Variants in DPP4 observed in about 807,000 individuals in gnomAD.
The protein encoded by DPP4 is dipeptidyl peptidase 4.
Under a neutral mutation model 122.4 loss-of-function variants are expected in DPP4, and 93 were observed. That is an observed-to-expected ratio of 0.76 (90% confidence interval 0.64 to 0.90). The LOEUF (loss-of-function observed/expected upper bound fraction) is 0.90. Ranked by LOEUF, DPP4 falls within the 40% of genes least tolerant of loss-of-function variation. The pLI is 0.00. For synonymous variants in DPP4, 321 were observed against 302.9 expected (o/e 1.06, Z -0.62); for missense variants, 914 against 907.3 (o/e 1.01, Z -0.09).
chr2:162,030,442 G>A (rs1445866361), intron 10 of DPP4, among the ~76,000 whole-genome samples: 2 of 152,180 alleles, frequency 1.3e-5, no homozygotes, highest in Non-Finnish European at 2.9e-5. Context: ...CTGTGGTGAA[G>A]GGATATGGCC....
intron 8 of DPP4, among the ~76,000 whole-genome samples, chr2:162,036,511 G>C (rs1002702134): frequency 2.0e-5 from 3 of 152,082 alleles, no homozygotes; most frequent in Non-Finnish European, 4.4e-5. Context: ...ATTTGTCTAG[G>C]ATCACATGGC....
chr2:162,046,263 G>A (rs1008464334), intron 4 of DPP4, among the ~76,000 whole-genome samples: 13 of 152,132 alleles, frequency 8.5e-5, no homozygotes, highest in African/African-American at 3.1e-4. Flanking sequence ...GAGGGTTTAA[G>A]CGAGGACTGT....
At chr2:162,061,510 A>C (rs1336906253) in intron 2 of DPP4, among the ~76,000 whole-genome samples, 1 of 152,210 alleles carries the variant, frequency 6.6e-6, no homozygotes, top group African/African-American at 2.4e-5. Flanking sequence ...TTAAGTACTT[A>C]CTTTAACAGT....
chr2:162,054,186 T>C (rs550491595), intron 2 of DPP4, among the ~76,000 whole-genome samples: 1 of 152,230 alleles, frequency 6.6e-6, no homozygotes, highest in Non-Finnish European at 1.5e-5. Context: ...ATTAACCGTT[T>C]CTTGCTATTT....
At chr2:162,003,628 C>T (rs757017988) in intron 23 of DPP4, among the ~76,000 whole-genome samples, 10 of 152,220 alleles carry the variant, frequency 6.6e-5, no homozygotes, top group African/African-American at 1.2e-4. Flanking sequence ...TCTAATGTTT[C>T]GGGAACTTTC....
At chr2:162,024,131 T>A (rs751112726) in intron 11 of DPP4, among the ~76,000 whole-genome samples, 4 of 152,172 alleles carry the variant, frequency 2.6e-5, no homozygotes, top group Non-Finnish European at 5.9e-5. Flanking sequence ...TAAGGGGGAT[T>A]GGGGAGGTAT....
chr2:161,992,889 T>A lies in DPP4; in HGVS notation c.*394A>T. On this transcript the variant is annotated 3_prime_UTR_variant, in exon 26 of 26. Transcript: ENST00000360534. ...CCCTCTTATCCTGTCCCTGCCCTAG[T>A]GACATCACTGCCCACATCTTGCCAT... is the stretch of plus-strand genomic sequence containing the variant. The A allele has an allele frequency of 5.0e-6, 1 of 200,270 alleles. No individual in the cohort carries two copies. 12.4% of individuals were successfully genotyped at this position (200,270 alleles called of 1,614,324 possible).
intron 23 of DPP4, among the ~76,000 whole-genome samples, chr2:161,997,262 T>C (rs1701029851): frequency 6.6e-6 from 1 of 152,164 alleles, no homozygotes; most frequent in Non-Finnish European, 1.5e-5. Flanking sequence ...TTGAGAAACT[T>C]TTTTTGTCTG....
At chr2:162,065,717 G>A (rs1303777574) in intron 2 of DPP4, among the ~76,000 whole-genome samples, 3 of 152,118 alleles carry the variant, frequency 2.0e-5, no homozygotes. Context: ...AATTATTAAT[G>A]CTTTATGCTT....
At chr2:162,069,945 A>C (rs1212827836) in intron 2 of DPP4, among the ~76,000 whole-genome samples, 1 of 152,248 alleles carries the variant, frequency 6.6e-6, no homozygotes, top group East Asian at 1.9e-4. Context: ...TTCCATAATA[A>C]AATTCAATAA....
chr2:161,995,632 T>A (rs958951449), intron 23 of DPP4, among the ~76,000 whole-genome samples: 15 of 152,180 alleles, frequency 9.9e-5, no homozygotes, highest in Non-Finnish European at 2.1e-4. Flanking sequence ...CCAGCCTGCA[T>A]GCAAAACCCC....
intron 25 of DPP4, among the ~76,000 whole-genome samples, chr2:161,994,585 A>G (rs1025763403): frequency 3.9e-5 from 6 of 152,308 alleles, no homozygotes; most frequent in African/African-American, 1.4e-4. Context: ...CCAGACAGAA[A>G]TGGATTTTCA....
At position 162,073,196 on chromosome 2, in the gene DPP4, G is replaced by T. The variant is rs144056851; in HGVS notation, c.94+203C>A. On this transcript the variant is annotated intron_variant, in intron 2 of 25. Transcript: ENST00000360534. The stretch of plus-strand genomic sequence containing the variant: ...ATAACAAGACGTGAAAGCCGCAAGA[G>T]TTTCAGCCTAAACACTGAAGACCCC... 2.5e-3 allele frequency: 1,261 copies of T among 494,938 alleles called. 3 individuals are homozygous for T. The highest frequency in any genetic ancestry group is 0.012 in the Middle Eastern group (23 of 1,870). 30.7% of individuals were successfully genotyped at this position (494,938 alleles called of 1,614,324 possible).
rs1684202937 is a variant in DPP4 at position 162,046,966 on chromosome 2, T to C, written c.234A>G (p.Val78=). 6.3e-7 allele frequency: 1 copy of C among 1,598,664 alleles called. No homozygotes were observed. The stretch of plus-strand genomic sequence containing the variant: ...AGCTGTTTCCATATTCAGCATTGAA[T>C]ACCAAGATATTATTTTCTTGTTTGT... ...YLYKQENNIL[V]FNAEYGNSSV... Residue 78 remains valine (V), a synonymous_variant, in exon 4 of 26, where the codon GTA becomes GTG. Transcript: ENST00000360534.
At chr2:162,019,772 C>T (rs1010680247) in intron 14 of DPP4, among the ~76,000 whole-genome samples, 6 of 152,126 alleles carry the variant, frequency 3.9e-5, no homozygotes, top group Admixed American at 3.3e-4. Flanking sequence ...ATAAAAGTGC[C>T]TCAGATTCTA....
intron 4 of DPP4, among the ~76,000 whole-genome samples, chr2:162,046,152 C>A (rs1489203019): frequency 6.6e-6 from 1 of 152,064 alleles, no homozygotes. Flanking sequence ...GAGGGAAGAG[C>A]GGAGGGCTGA....
chr2:162,021,622 T>C (rs1042409596), intron 12 of DPP4: 1 of 152,220 alleles, frequency 6.6e-6, no homozygotes, highest in African/African-American at 2.4e-5. Context: ...AGGCGTGCGG[T>C]ACACTTGGTG....
At chr2:162,038,918 A>AT (rs1683886345) in intron 7 of DPP4, 31 bp downstream of exon 7, 2 of 1,605,694 alleles carry the variant, frequency 1.2e-6, no homozygotes, top group African/African-American at 1.3e-5. Context: ...TTGAGCCTAT[A>AT]TTTTTCTGAC....
In DPP4 at chr2:162,024,947, G is replaced by T; in HGVS notation, c.888-8C>A. 6.2e-7 allele frequency: 1 copy of T among 1,612,018 alleles called. No homozygotes were observed. The stretch of plus-strand genomic sequence containing the variant: ...TCACACAAGTAGTGATCCCTGGAAG[G>T]AAGAAAGAAAGGAAGGACAGAGAGA... On this transcript the variant is annotated splice_region_variant and splice_polypyrimidine_tract_variant and intron_variant, in intron 10 of 25. Coordinates refer to ENST00000360534, the MANE Select transcript of DPP4 (RefSeq NM_001935.4).
Sources: allele counts gnomAD v4.1 joint callset (sites outside exome capture counted in the v4.1 genomes callset), GRCh38; gene constraint gnomAD v4.1.1; transcripts MANE v1.5; gene names NCBI Gene and HGNC (gene_info 2026-07-23, HGNC 2026-07-21).